Variants in RPS6KA2 observed in about 807,000 individuals in gnomAD.
RPS6KA2 encodes ribosomal protein S6 kinase alpha-2.
A neutral mutation model predicts 91.8 loss-of-function variants in RPS6KA2; 42 were observed. The ratio of observed to expected loss-of-function variants is 0.46; its 90% confidence interval spans 0.36 to 0.59. The LOEUF (loss-of-function observed/expected upper bound fraction) is 0.59, where lower values mean the gene tolerates loss of function less well. RPS6KA2 is among the 20% of genes least tolerant of loss of function. RPS6KA2 has a pLI of 0.00. For synonymous variants in RPS6KA2, 414 were observed against 393.6 expected (o/e 1.05, Z -0.61); for missense variants, 798 against 978.5 (o/e 0.82, Z 2.46).
chr6:166,587,228 G>C (rs754415662), intron 1 of RPS6KA2, among the ~76,000 whole-genome samples: 3 of 152,194 alleles, frequency 2.0e-5, no homozygotes, highest in Non-Finnish European at 4.4e-5. Flanking sequence ...GAGACCCTGG[G>C]TCAGAGCCCT....
chr6:166,526,543 G>A (rs969566442), intron 3 of RPS6KA2, among the ~76,000 whole-genome samples: 4 of 151,814 alleles, frequency 2.6e-5, no homozygotes, highest in African/African-American at 9.7e-5. Flanking sequence ...TCGTAGAGAT[G>A]GGGTCTTAAC....
At chr6:166,558,935 T>A (rs747016080) in intron 1 of RPS6KA2, among the ~76,000 whole-genome samples, 1 of 152,246 alleles carries the variant, frequency 6.6e-6, no homozygotes, top group South Asian at 2.1e-4. Flanking sequence ...AAAGATTATA[T>A]TGGAGTTTCA....
At chr6:166,621,048 T>G (rs1388472154) in intron 1 of RPS6KA2, among the ~76,000 whole-genome samples, 1 of 152,130 alleles carries the variant, frequency 6.6e-6, no homozygotes, top group Non-Finnish European at 1.5e-5. Context: ...CCTGGGGAGC[T>G]TTGCACACCA....
intron 2 of RPS6KA2, among the ~76,000 whole-genome samples, chr6:166,769,860 C>T (rs142307044): frequency 3.9e-5 from 6 of 152,226 alleles, no homozygotes; most frequent in Admixed American, 2.6e-4. Flanking sequence ...CCCTGGGCAG[C>T]TCCGAGGGCC....
rs2128631924 is a variant in RPS6KA2 at position 166,849,769 on chromosome 6, G to A, written c.123+8431C>T. Among the ~76,000 whole-genome samples, 1 of 152,360 alleles carries A rather than the reference G, an allele frequency of 6.6e-6. No individual in the cohort carries two copies. Among genetic ancestry groups the A allele is most frequent in the Non-Finnish European group, 1.5e-5 (1 of 68,038 alleles). On this transcript the variant is annotated intron_variant, in intron 2 of 21. Transcript: ENST00000503859. This position sits in a 1 kb window ranked among gnomAD's most constrained non-coding sequence, Gnocchi z 4.9. ...TGTGGCCTGAGACTGACACCAGCAT[G>A]TGTTCACAGCCGTTTCCTCAAGCTG...
chr6:166,644,811 A>G (rs1787556871), intron 2 of RPS6KA2, among the ~76,000 whole-genome samples: 1 of 152,234 alleles, frequency 6.6e-6, no homozygotes, highest in African/African-American at 2.4e-5. Flanking sequence ...TCAAGTTAAC[A>G]TGAGGTCATA....
intron 2 of RPS6KA2, among the ~76,000 whole-genome samples, chr6:166,765,392 C>T (rs1192061746): frequency 6.6e-6 from 1 of 152,208 alleles, no homozygotes; most frequent in Admixed American, 6.5e-5. Flanking sequence ...TTAGCCATGG[C>T]CCCCGCACCT....
chr6:166,627,195 A>T lies in RPS6KA2; in HGVS notation c.-176T>A. ...TCACAAAGGGCAGGCCGCGCCGGCCACCGCGGCCGGGGCCACAATCGCTCC... is the reference window on the plus strand; with the variant it reads ...TCACAAAGGGCAGGCCGCGCCGGCCTCCGCGGCCGGGGCCACAATCGCTCC... On this transcript the variant is annotated 5_prime_UTR_variant, in exon 1 of 21. Coordinates refer to ENST00000265678, the MANE Select transcript of RPS6KA2 (RefSeq NM_021135.6). 9.6e-7 allele frequency: 1 copy of T among 1,044,476 alleles called. No individual in the cohort carries two copies. The highest frequency in any genetic ancestry group is 1.1e-6 in the Non-Finnish European group (1 of 869,814). 64.7% of individuals were successfully genotyped at this position (1,044,476 alleles called of 1,614,324 possible).
At chr6:166,837,400 TC>T (rs1165920045) in intron 2 of RPS6KA2, among the ~76,000 whole-genome samples, 1 of 152,184 alleles carries the variant, frequency 6.6e-6, no homozygotes, top group Non-Finnish European at 1.5e-5. Context: ...CCGGACCCTC[TC>T]AGAGCTCCCA....
rs148769050 is a variant in RPS6KA2, at chr6:166,659,515, G to T, written c.124-120731C>A. On this transcript the variant is annotated intron_variant, in intron 2 of 21. Transcript: ENST00000503859. ...AAGAAAGTATTTGCTTCCAAATTTT[G>T]TCTTGTTTTCCAAACAGAGGCTGTA... Among the ~76,000 whole-genome samples the T allele has an allele frequency of 1.9e-3, 286 of 152,314 alleles. 1 individual carries two copies. The highest frequency in any genetic ancestry group is 6.6e-3 in the African/African-American group (275 of 41,558).
In RPS6KA2 at chr6:166,662,363, G is replaced by A. The variant is rs528642038; in HGVS notation, c.124-123579C>T. On this transcript the variant is annotated intron_variant, in intron 2 of 21. Coordinates refer to the RPS6KA2 transcript ENST00000503859. This position sits in a 1 kb window ranked among gnomAD's most constrained non-coding sequence, Gnocchi z 4.3. ...GGCAAAGGACGTATTTGATGCAGGGGTGGTAAGAGATGGGTTGGCGCAGGA... is the reference window on the plus strand; with the variant it reads ...GGCAAAGGACGTATTTGATGCAGGGATGGTAAGAGATGGGTTGGCGCAGGA... Among the ~76,000 whole-genome samples the A allele has an allele frequency of 1.3e-5, 2 of 152,216 alleles. No individual in the cohort carries two copies. Among genetic ancestry groups the A allele is most frequent in the Non-Finnish European group, 2.9e-5 (2 of 68,044 alleles).
chr6:166,862,708 G>GGGGGGGGC (rs1781081057), upstream of RPS6KA2: 2 of 141,980 alleles, frequency 1.4e-5, no homozygotes, highest in African/African-American at 5.2e-5. Flanking sequence ...GGAGGCGGGG[G>GGGGGGGGC]GGGGGGGCGG....
At chr6:166,587,498 G>A (rs1312117831) in intron 1 of RPS6KA2, among the ~76,000 whole-genome samples, 12 of 152,048 alleles carry the variant, frequency 7.9e-5, no homozygotes, top group South Asian at 4.1e-4. Flanking sequence ...ATGAACCCAC[G>A]CATGTAAAAC....
intron 2 of RPS6KA2, among the ~76,000 whole-genome samples, chr6:166,695,444 G>C (rs1429214844): frequency 2.0e-5 from 3 of 152,276 alleles, no homozygotes; most frequent in East Asian, 3.9e-4. Context: ...AACATGTTTA[G>C]GTTTTATCCT....
In RPS6KA2 at chr6:166,626,463, G is replaced by A. The variant is rs1786879115; in HGVS notation, c.99+458C>T. On this transcript the variant is annotated intron_variant, in intron 1 of 20. Transcript: ENST00000265678. The surrounding 1 kb of genome is among the most constrained non-coding windows in gnomAD (Gnocchi z 4.1). Reference sequence around the variant, plus strand: ...AGTGCACGAATGAGCTACAAGATAAGGTGGAACCTGCCGGCCGGGCACGGC... The same window carrying A: ...AGTGCACGAATGAGCTACAAGATAAAGTGGAACCTGCCGGCCGGGCACGGC... Among the ~76,000 whole-genome samples, 1 of 152,266 alleles carries A rather than the reference G, an allele frequency of 6.6e-6. No individual in the cohort carries two copies. The highest frequency in any genetic ancestry group is 2.4e-5 in the African/African-American group (1 of 41,482).
intron 11 of RPS6KA2, among the ~76,000 whole-genome samples, chr6:166,467,927 G>A (rs1780604204): frequency 6.6e-6 from 1 of 152,256 alleles, no homozygotes; most frequent in African/African-American, 2.4e-5. Context: ...AGATCATACG[G>A]GGAGAAGCTG....
chr6:166,425,534 G>A (rs1159286211), intron 16 of RPS6KA2, among the ~76,000 whole-genome samples: 1 of 152,180 alleles, frequency 6.6e-6, no homozygotes, highest in African/African-American at 2.4e-5. Flanking sequence ...AGACCCATCA[G>A]TGTGCTGTAT....
At chr6:166,811,079 A>AAAT (rs1433267305) in intron 2 of RPS6KA2, among the ~76,000 whole-genome samples, 3 of 152,250 alleles carry the variant, frequency 2.0e-5, no homozygotes, top group African/African-American at 7.2e-5. Flanking sequence ...TCACACTAAG[A>AAAT]AGAGAAAATA....
At chr6:166,745,666 T>C (rs1452496507) in intron 2 of RPS6KA2, among the ~76,000 whole-genome samples, 1 of 151,962 alleles carries the variant, frequency 6.6e-6, no homozygotes, top group East Asian at 1.9e-4. Context: ...CAATATTCAC[T>C]CAGAGAACGA....
Sources: allele counts gnomAD v4.1 joint callset (sites outside exome capture counted in the v4.1 genomes callset), GRCh38; gene constraint gnomAD v4.1.1; non-coding constraint Gnocchi (gnomAD v3.1); transcripts MANE v1.5; gene names NCBI Gene and HGNC (gene_info 2026-07-23, HGNC 2026-07-21).